The following FAM114A1 variants were observed in gnomAD, a reference collection of about 807,000 sequenced individuals.
FAM114A1 encodes protein NOXP20.
Under a neutral mutation model 64.3 loss-of-function variants are expected in FAM114A1, and 62 were observed. That is an observed-to-expected ratio of 0.96 (90% CI 0.79 to 1.19). FAM114A1 has a LOEUF of 1.19. Among genes scored for constraint, FAM114A1 ranks in the 50% most tolerant of loss-of-function variants. FAM114A1 has a pLI of 0.00. For missense variants in FAM114A1, 645 were observed against 676.3 expected (o/e 0.95, Z 0.51); for synonymous variants, 254 against 251.1 (o/e 1.01, Z -0.11).
At chr4:38,922,967 GC>G in intron 9 of FAM114A1, 74 bp downstream of exon 9, 1 of 1,489,342 alleles carries the variant, frequency 6.7e-7, no homozygotes, top group Non-Finnish European at 9.0e-7. Flanking sequence ...AATGAACACA[GC>G]CCTTTGAATT....
intron 13 of FAM114A1, among the ~76,000 whole-genome samples, chr4:38,940,080 AG>A: frequency 6.6e-6 from 1 of 151,942 alleles, no homozygotes; most frequent in East Asian, 1.9e-4. Context: ...TAGTGGACAC[AG>A]GGTTTCGCCA....
In FAM114A1 at chr4:38,915,001, G is replaced by A; in HGVS notation, c.873G>A (p.Met291Ile). ...LTMERTAHYGMLFDEYQGLSH... is the reference protein window; with the variant it reads ...LTMERTAHYGILFDEYQGLSH... Reference sequence around the variant, plus strand: ...TGGAGAGAACCGCGCACTACGGGATGCTGTTTGATGAATATCAAGGCTTGT... The same window carrying A: ...TGGAGAGAACCGCGCACTACGGGATACTGTTTGATGAATATCAAGGCTTGT... Residue 291 changes from methionine (M) to isoleucine (I), a missense_variant, in exon 8 of 15, where the codon ATG (methionine) becomes ATA (isoleucine). Physicochemically the swap from Met to Ile is conservative, Grantham distance 10. Coordinates refer to ENST00000358869, the MANE Select transcript of FAM114A1 (RefSeq NM_138389.4). 1 of 1,614,200 alleles carries A rather than the reference G, an allele frequency of 6.2e-7. No individual in the cohort carries two copies. Among genetic ancestry groups the A allele is most frequent in the Non-Finnish European group, 8.5e-7 (1 of 1,180,026 alleles).
At chr4:38,881,317 G>A (rs557085740) in intron 3 of FAM114A1, among the ~76,000 whole-genome samples, 13 of 152,230 alleles carry the variant, frequency 8.5e-5, no homozygotes, top group Middle Eastern at 6.8e-3. Context: ...CAGAAATTGA[G>A]CTGGTTGGTA....
At chr4:38,936,655 C>T (rs902952050) in intron 13 of FAM114A1, among the ~76,000 whole-genome samples, 1 of 149,712 alleles carries the variant, frequency 6.7e-6, no homozygotes, top group African/African-American at 2.5e-5. Flanking sequence ...TGGGTTGAAG[C>T]GATTCTCCTG....
intron 3 of FAM114A1, among the ~76,000 whole-genome samples, chr4:38,880,100 A>AATAGAATAGAATAGAATAGAATAG (rs1560288012): frequency 2.0e-5 from 2 of 98,942 alleles, no homozygotes; most frequent in Admixed American, 1.1e-4. Flanking sequence ...AAATAAAATA[A>AATAGAATAGAATAGAATAGAATAG]AATAGAGTAG....
intron 6 of FAM114A1, among the ~76,000 whole-genome samples, chr4:38,908,187 T>C (rs1718198982): frequency 6.6e-6 from 1 of 152,016 alleles, no homozygotes; most frequent in Non-Finnish European, 1.5e-5. Context: ...ACTCTGTTAC[T>C]TGGGTTAAAA....
intron 4 of FAM114A1, 122 bp from the exon 5 acceptor site, chr4:38,905,400 T>A (rs9784522): frequency 0.015 from 9,131 of 599,784 alleles, 432 homozygotes; most frequent in African/African-American, 0.14. Context: ...CTCCATCTTT[T>A]AAAAAAAAAA....
rs1484757663 is a variant in FAM114A1 at position 38,945,351 on chromosome 4, T to G, written c.*1794T>G. The G allele has an allele frequency of 6.6e-6, 1 of 152,386 alleles. No homozygotes were observed. Among genetic ancestry groups the G allele is most frequent in the Admixed American group, 6.5e-5 (1 of 15,308 alleles). 9.4% of individuals were successfully genotyped at this position (152,386 alleles called of 1,614,324 possible). Reference sequence around the variant, plus strand: ...GGCCAGGAGGGGCATTGTCAGTGGCTGCTTCTCCTGAGCTCCACGCCTTCA... The same window carrying G: ...GGCCAGGAGGGGCATTGTCAGTGGCGGCTTCTCCTGAGCTCCACGCCTTCA... On this transcript the variant is annotated 3_prime_UTR_variant, in exon 15 of 15. Transcript: ENST00000358869.
intron 3 of FAM114A1, among the ~76,000 whole-genome samples, chr4:38,887,061 A>T (rs1399249663): frequency 6.6e-6 from 1 of 152,036 alleles, no homozygotes; most frequent in African/African-American, 2.4e-5. Context: ...TATGGTACCT[A>T]AGAGGAAGGT....
At chr4:38,937,759 G>A (rs535616416) in intron 13 of FAM114A1, among the ~76,000 whole-genome samples, 27 of 152,196 alleles carry the variant, frequency 1.8e-4, no homozygotes, top group Admixed American at 1.3e-3. Context: ...TTTTGAAACC[G>A]TGTCTTGCTC....
In FAM114A1 at chr4:38,943,469, C is replaced by T; in HGVS notation, c.1604C>T (p.Thr535Ile). ...CTCCTCTCACAGGGCTGCAACAGTA[C>T]AACGTACATACAGGATGCCTTCCAG... ...SSVLLEGCNS[T>I]TYIQDAFQLL... The change falls in exon 15 of 15, where the codon ACA (threonine) becomes ATA (isoleucine). Residue 535 changes from threonine to isoleucine, a missense_variant. Transcript: ENST00000358869. 2.5e-6 allele frequency: 4 copies of T among 1,614,048 alleles called. No individual in the cohort carries two copies. The South Asian group carries it at 3.3e-5, about 13-fold the overall frequency.
chr4:38,923,019 C>G, intron 9 of FAM114A1, 126 bp downstream of exon 9: 1 of 1,078,624 alleles, frequency 9.3e-7, no homozygotes, highest in Non-Finnish European at 1.3e-6. Context: ...CCAAAAGACA[C>G]TGTGCATCTG....
chr4:38,910,538 C>A (rs1440859362), intron 7 of FAM114A1, among the ~76,000 whole-genome samples: 1 of 151,962 alleles, frequency 6.6e-6, no homozygotes, highest in East Asian at 1.9e-4. Flanking sequence ...CAGAAAGTGA[C>A]GAGCGAGTGC....
In FAM114A1 at chr4:38,883,375, T is replaced by C. The variant is rs1297690941; in HGVS notation, c.348+4949T>C. On this transcript the variant is annotated intron_variant, in intron 3 of 14. Transcript: ENST00000358869. ...GAGTACTGGTTGGGAGTAACATTTG[T>C]TCCCAGAGCTCTTATGGGACCTTAT... Among the ~76,000 whole-genome samples the C allele has an allele frequency of 3.9e-5, 6 of 152,296 alleles. No homozygotes were observed. In the East Asian group the frequency reaches 7.7e-4, roughly 20 times the overall value.
At chr4:38,932,633 A>T (rs1255174051) in intron 12 of FAM114A1, among the ~76,000 whole-genome samples, 1 of 151,994 alleles carries the variant, frequency 6.6e-6, no homozygotes, top group East Asian at 1.9e-4. Context: ...TGGAGTTGGG[A>T]CCACAGGTGC....
Position 38,929,330 on chromosome 4 carries a change from TAA to T in FAM114A1, c.1159_1160del (p.Lys387GlyfsTer7). On this transcript the variant is annotated frameshift_variant and splice_region_variant, in exon 10 of 15. Coordinates refer to ENST00000358869, the MANE Select transcript of FAM114A1 (RefSeq NM_138389.4). LOFTEE classifies it high-confidence loss of function. Reference sequence around the variant, plus strand: ...TGGCGGCCACACCTGACAAACTCAATAAGGTCAGCACTGTCTGATTTATAGTT... The same window carrying T: ...TGGCGGCCACACCTGACAAACTCAATGGTCAGCACTGTCTGATTTATAGTT... ...HVAATPDKLNKAMKRAHDWVE... is the reference protein window; with the variant it reads ...HVAATPDKLNXAMKRAHDWVE... The T allele has an allele frequency of 6.2e-7, 1 of 1,610,344 alleles. No homozygotes were observed. The highest frequency in any genetic ancestry group is 2.2e-5 in the East Asian group (1 of 44,850).
At chr4:38,922,745 C>A in intron 8 of FAM114A1, 25 bp from the exon 9 acceptor site, 1 of 1,597,386 alleles carries the variant, frequency 6.3e-7, no homozygotes, top group South Asian at 1.1e-5. Context: ...AGATGACAGT[C>A]GTGCTGACCT....
intron 9 of FAM114A1, among the ~76,000 whole-genome samples, chr4:38,923,648 G>A (rs1719841052): frequency 6.6e-6 from 1 of 152,140 alleles, no homozygotes; most frequent in South Asian, 2.1e-4. Flanking sequence ...ATAGGTGTAA[G>A]AGTTCGGGTA....
chr4:38,869,459 G>A (rs557221117), intron 2 of FAM114A1, among the ~76,000 whole-genome samples: 1 of 152,306 alleles, frequency 6.6e-6, no homozygotes, highest in African/African-American at 2.4e-5. Context: ...AGGAGTGGAG[G>A]ATACTGAGAG....
Sources: gnomAD v4.1 joint callset for allele counts (sites outside exome capture counted in the v4.1 genomes callset) on GRCh38, gnomAD v4.1.1 for gene constraint, MANE v1.5 for transcripts, NCBI Gene and HGNC (gene_info 2026-07-23, HGNC 2026-07-21) for gene names.